SLC38A10: variants seen among roughly 807,000 people sequenced by gnomAD.
SLC38A10 encodes the protein solute carrier family 38 member 10, also known as Sodium-coupled neutral amino acid transporter 10.
A neutral mutation model predicts 81.0 loss-of-function variants in SLC38A10; 53 were observed. The ratio of observed to expected loss-of-function variants is 0.65; its 90% CI spans 0.53 to 0.82. The LOEUF is 0.82. SLC38A10 is among the 40% of genes least tolerant of loss of function. The pLI is 0.00. For synonymous variants in SLC38A10, 665 were observed against 655.3 expected, an observed-to-expected ratio of 1.01 and a Z score of -0.23; for missense variants, 1,471 against 1,545.0, an observed-to-expected ratio of 0.95 and a Z score of 0.80.
intron 14 of SLC38A10, chr17:81,247,367 C>T (rs1317100252): frequency 1.0e-5 from 3 of 285,982 alleles, no homozygotes; most frequent in South Asian, 1.4e-4. Flanking sequence ...GCCCCAGGCG[C>T]ACCCGGCAGG....
At chr17:81,260,642 C>T (rs2063014141) in intron 10 of SLC38A10, among the ~76,000 whole-genome samples, 4 of 152,352 alleles carry the variant, frequency 2.6e-5, no homozygotes, top group South Asian at 2.1e-4. Flanking sequence ...AGCCCTGATG[C>T]GCCGCTGCCA....
At position 81,265,209 on chromosome 17, in the gene SLC38A10, C is replaced by G. The variant is rs1049404086; in HGVS notation, c.1132-4815G>C. On this transcript the variant is annotated intron_variant, in intron 10 of 15. Coordinates refer to ENST00000374759, the MANE Select transcript of SLC38A10 (RefSeq NM_001037984.3). The surrounding 1 kb of genome is among the most constrained non-coding windows in gnomAD (Gnocchi z 4.2). ...ACCAGCCTGGCCAACATGGTGAAAC[C>G]GTGTCTCTACCAAAAATACAAAAAA... The G allele has an allele frequency of 1.3e-5, 2 of 152,250 alleles. No individual in the cohort carries two copies. Among genetic ancestry groups the G allele is most frequent in the African/African-American group, 2.4e-5 (1 of 41,434 alleles). 9.4% of individuals were successfully genotyped at this position (152,250 alleles called of 1,614,324 possible).
chr17:81,269,193 T>C (rs1273510421), intron 10 of SLC38A10, among the ~76,000 whole-genome samples: 1 of 152,196 alleles, frequency 6.6e-6, no homozygotes, highest in Non-Finnish European at 1.5e-5. Flanking sequence ...CATACCTTTC[T>C]CACAACTCAT....
chr17:81,271,597 T>C (rs942020834), intron 9 of SLC38A10, among the ~76,000 whole-genome samples: 1 of 152,158 alleles, frequency 6.6e-6, no homozygotes, highest in African/African-American at 2.4e-5. Context: ...CCCTTGGTAA[T>C]GCATCACCAA....
chr17:81,285,516 G>C (rs553517379), intron 2 of SLC38A10: 1 of 152,254 alleles, frequency 6.6e-6, no homozygotes, highest in African/African-American at 2.4e-5. Flanking sequence ...CGGGGCGGCC[G>C]AATGCGGAAG....
Position 81,245,849 on chromosome 17 carries a change from T to G in SLC38A10, c.3067A>C (p.Lys1023Gln), listed in dbSNP as rs2062844143. ...CTCTGGCCCCCCGGGACAGCTCGTT[T>G]GAGCCCCAGCTCTGGCTCTGGCCTC... The part of the protein sequence containing the change: ...RQRPEPELGL[K>Q]RAVPGGQRPD... The change falls in exon 16 of 16, where the codon AAA becomes CAA. Residue 1023 changes from lysine (K) to glutamine (Q), a missense_variant. Coordinates refer to ENST00000374759, the MANE Select transcript of SLC38A10 (RefSeq NM_001037984.3). The G allele has an allele frequency of 1.2e-6, 2 of 1,612,182 alleles. No homozygotes were observed. Among genetic ancestry groups the G allele is most frequent in the African/African-American group, 2.7e-5 (2 of 75,062 alleles).
At chr17:81,266,718 G>A (rs978154003) in intron 10 of SLC38A10, among the ~76,000 whole-genome samples, 1 of 152,210 alleles carries the variant, frequency 6.6e-6, no homozygotes, top group African/African-American at 2.4e-5. Context: ...GGAAACAGAT[G>A]GGAACGAAGG....
chr17:81,259,612 G>A (rs148923511), intron 11 of SLC38A10, among the ~76,000 whole-genome samples: 1 of 152,298 alleles, frequency 6.6e-6, no homozygotes, highest in Non-Finnish European at 1.5e-5. Flanking sequence ...GGCTGCACCT[G>A]GAAAGCCACA....
At chr17:81,257,852 G>A (rs1446596503) in intron 11 of SLC38A10, among the ~76,000 whole-genome samples, 2 of 152,270 alleles carry the variant, frequency 1.3e-5, no homozygotes, top group African/African-American at 2.4e-5. Flanking sequence ...GCCCTGCTGT[G>A]CTGCCCCATG....
In SLC38A10 at chr17:81,289,873, C is replaced by A; in HGVS notation, c.100-65G>T. On this transcript the variant is annotated intron_variant, in intron 1 of 15. Transcript: ENST00000374759. The surrounding 1 kb of genome is among the most constrained non-coding windows in gnomAD (Gnocchi z 5.9). ...GTGCTCCCCAGAGGCCCTCACCCCACACACGCGGCTCATGAGGACCCTCTT... is the reference window on the plus strand; with the variant it reads ...GTGCTCCCCAGAGGCCCTCACCCCAAACACGCGGCTCATGAGGACCCTCTT... The A allele has an allele frequency of 7.4e-7, 1 of 1,356,728 alleles. No homozygotes were observed. Among genetic ancestry groups the A allele is most frequent in the Non-Finnish European group, 1.0e-6 (1 of 999,064 alleles). The allele number at this position is 1,356,728 out of a possible 1,614,324, so 84.0% of individuals were successfully genotyped here.
intron 13 of SLC38A10, chr17:81,251,874 T>C (rs2062918260): frequency 3.9e-6 from 2 of 518,098 alleles, no homozygotes; most frequent in Non-Finnish European, 6.5e-6. Context: ...TAAGCAGCTC[T>C]TAGACGGGCA....
intron 10 of SLC38A10, among the ~76,000 whole-genome samples, chr17:81,261,617 A>G (rs2063024417): frequency 6.6e-6 from 1 of 152,232 alleles, no homozygotes; most frequent in Non-Finnish European, 1.5e-5. Context: ...GGCAGCTGAA[A>G]AAGACAACCT....
chr17:81,291,615 C>T (rs1485148907), intron 1 of SLC38A10, among the ~76,000 whole-genome samples: 1 of 152,134 alleles, frequency 6.6e-6, no homozygotes, highest in Non-Finnish European at 1.5e-5. Context: ...CCGGCATGTG[C>T]ACCACTGCAC....
intron 6 of SLC38A10, chr17:81,279,902 G>A (rs568774526): frequency 3.9e-6 from 1 of 255,486 alleles, no homozygotes; most frequent in Non-Finnish European, 7.9e-6. Context: ...GCATGTGGGT[G>A]TAAACACAGC....
At chr17:81,252,953 G>T in intron 12 of SLC38A10, 120 bp downstream of exon 12, 1 of 1,315,114 alleles carries the variant, frequency 7.6e-7, no homozygotes, top group Non-Finnish European at 1.0e-6. Flanking sequence ...CAGAACTTAG[G>T]CTGGGCTGAA....
In SLC38A10 at chr17:81,246,147, G is replaced by A. The variant is rs752313565; in HGVS notation, c.2769C>T (p.Asp923=). ...LVAGPGAETG[D]PRMKPKQVSR... is the part of the protein sequence containing the mutation. Reference sequence around the variant, plus strand: ...TCACTTGCTTGGGCTTCATGCGAGGGTCCCCCGTCTCTGCTCCTGGCCCTG... The same window carrying A: ...TCACTTGCTTGGGCTTCATGCGAGGATCCCCCGTCTCTGCTCCTGGCCCTG... Residue 923 remains aspartate, a synonymous_variant, in exon 16 of 16, where the codon GAC becomes GAT. Coordinates refer to ENST00000374759, the MANE Select transcript of SLC38A10 (RefSeq NM_001037984.3). 1.4e-5 allele frequency: 22 copies of A among 1,610,946 alleles called. No homozygotes were observed. In the South Asian group the frequency reaches 2.1e-4, roughly 15 times the overall value.
chr17:81,282,355 C>T (rs2063221645), intron 4 of SLC38A10, 23 bp from the exon 5 acceptor site: 1 of 1,592,618 alleles, frequency 6.3e-7, no homozygotes, highest in African/African-American at 1.3e-5. Context: ...GGCAGGGGGT[C>T]TTGGCCACAG....
In SLC38A10 at chr17:81,265,941, T is replaced by C. The variant is rs2063066599; in HGVS notation, c.1131+4977A>G. ...ACGCACAGCCAAACTGCGGTGAATG[T>C]GATTCAGTGCGCTTTCTAGCTTCCA... On this transcript the variant is annotated intron_variant, in intron 10 of 15. Coordinates refer to ENST00000374759, the MANE Select transcript of SLC38A10 (RefSeq NM_001037984.3). The surrounding 1 kb of genome is among the most constrained non-coding windows in gnomAD (Gnocchi z 4.2). 6.6e-6 allele frequency among the ~76,000 whole-genome samples: 1 copy of C among 152,206 alleles called. No homozygotes were observed. Among genetic ancestry groups the C allele is most frequent in the Non-Finnish European group, 1.5e-5 (1 of 68,028 alleles).
chr17:81,252,579 T>G lies in SLC38A10; in HGVS notation c.1561A>C (p.Lys521Gln). The G allele has an allele frequency of 6.2e-7, 1 of 1,613,488 alleles. No individual in the cohort carries two copies. Among genetic ancestry groups the G allele is most frequent in the Non-Finnish European group, 8.5e-7 (1 of 1,180,042 alleles). The change falls in exon 13 of 16, where the codon AAA becomes CAA. Residue 521 changes from lysine to glutamine, a missense_variant. Lys to Gln is a moderately conservative substitution (Grantham distance 53, BLOSUM62 1). Coordinates refer to ENST00000374759, the MANE Select transcript of SLC38A10 (RefSeq NM_001037984.3). ...CCGCCCGCGTGTCTGGATGGAGGTT[T>G]GTTCTCTTCTGGCACCTCTCGGTCT... ...GQDREVPEENKPPSRHAGGKA... is the reference protein window; with the variant it reads ...GQDREVPEENQPPSRHAGGKA...
Sources: allele counts gnomAD v4.1 joint callset (sites outside exome capture counted in the v4.1 genomes callset), GRCh38; gene constraint gnomAD v4.1.1; non-coding constraint Gnocchi (gnomAD v3.1); transcripts MANE v1.5; gene names NCBI Gene and HGNC (gene_info 2026-07-23, HGNC 2026-07-21).